The following NCALD variants were observed in gnomAD, a reference collection of about 807,000 sequenced individuals.
NCALD encodes the protein neurocalcin delta.
Under a neutral mutation model 18.6 loss-of-function variants are expected in NCALD, and 10 were observed. The observed-to-expected ratio is 0.54, with a 90% CI of 0.33 to 0.91. The LOEUF (loss-of-function observed/expected upper bound fraction) is 0.91. NCALD is among the 40% of genes least tolerant of loss of function. NCALD has a pLI of 0.03. For missense variants in NCALD, 184 were observed against 247.6 expected, an observed-to-expected ratio of 0.74 and a Z score of 1.72; for synonymous variants, 88 against 87.4, an observed-to-expected ratio of 1.01 and a Z score of -0.04.
At chr8:101,767,525 G>A (rs960669628) in intron 1 of NCALD, among the ~76,000 whole-genome samples, 10 of 152,178 alleles carry the variant, frequency 6.6e-5, no homozygotes, top group Non-Finnish European at 1.2e-4. Context: ...TGATTATACA[G>A]CTGCATATGT....
intron 2 of NCALD, among the ~76,000 whole-genome samples, chr8:101,994,999 G>A (rs1035464162): frequency 6.6e-6 from 1 of 152,194 alleles, no homozygotes; most frequent in Non-Finnish European, 1.5e-5. Flanking sequence ...GCCTAATTGT[G>A]TAGAGCCTTG....
At chr8:101,933,255 T>C (rs189315650) in intron 2 of NCALD, among the ~76,000 whole-genome samples, 7 of 152,310 alleles carry the variant, frequency 4.6e-5, no homozygotes, top group Admixed American at 2.0e-4. Context: ...GATCTTGAGA[T>C]GGAGAGATTA....
intron 4 of NCALD, among the ~76,000 whole-genome samples, chr8:101,843,582 G>GTTTTTTTTTTTTTTTTTTTTTTT (rs369393213): frequency 8.0e-6 from 1 of 125,140 alleles, no homozygotes; most frequent in Non-Finnish European, 1.6e-5. Flanking sequence ...TTTAAAAATT[G>GTTTTTTTTTTTTTTTTTTTTTTT]TTTTTTTTTT....
chr8:102,074,674 G>A (rs1228173559), intron 1 of NCALD, among the ~76,000 whole-genome samples: 1 of 152,108 alleles, frequency 6.6e-6, no homozygotes, highest in African/African-American at 2.4e-5. Flanking sequence ...GGTTCCACAG[G>A]AAATCCTCCA....
At chr8:102,036,892 T>G (rs577802880) in intron 1 of NCALD, among the ~76,000 whole-genome samples, 20 of 152,314 alleles carry the variant, frequency 1.3e-4, no homozygotes, top group African/African-American at 4.8e-4. Flanking sequence ...TTTATAAGAT[T>G]AATTTGCCAA....
intron 4 of NCALD, among the ~76,000 whole-genome samples, chr8:101,797,437 C>G (rs533044839): frequency 1.3e-5 from 2 of 152,160 alleles, no homozygotes; most frequent in African/African-American, 4.8e-5. Flanking sequence ...CTGTCAAATC[C>G]AGAAGATAAT....
chr8:101,811,544 T>C (rs1202528368), intron 4 of NCALD, among the ~76,000 whole-genome samples: 1 of 152,164 alleles, frequency 6.6e-6, no homozygotes, highest in Non-Finnish European at 1.5e-5. Context: ...ATAACAGCAA[T>C]AGGAAATTAA....
chr8:102,028,467 C>A (rs1054713209), intron 1 of NCALD, among the ~76,000 whole-genome samples: 1 of 152,198 alleles, frequency 6.6e-6, no homozygotes, highest in African/African-American at 2.4e-5. Flanking sequence ...AATGCACTAG[C>A]CACTGAGGGG....
chr8:101,976,717 T>C (rs1273721806), intron 2 of NCALD, among the ~76,000 whole-genome samples: 1 of 152,116 alleles, frequency 6.6e-6, no homozygotes, highest in Non-Finnish European at 1.5e-5. Context: ...TAAACTAAGC[T>C]CCTACTATGT....
rs1166946312 is a variant in NCALD, at chr8:101,909,065, T to C, written c.-107+6744A>G. ...TTTAACTCTATAAGGAAAGTGATCT[T>C]TTTCAAGGTGGTCTTTGAAATGACT... On this transcript the variant is annotated intron_variant, in intron 3 of 6. Coordinates refer to the NCALD transcript ENST00000311028. 2.6e-5 allele frequency among the ~76,000 whole-genome samples: 4 copies of C among 152,278 alleles called. No individual in the cohort carries two copies. In the East Asian group the frequency reaches 7.7e-4, roughly 29 times the overall value.
intron 3 of NCALD, among the ~76,000 whole-genome samples, chr8:101,902,492 GC>G (rs1453735255): frequency 1.3e-5 from 2 of 152,144 alleles, no homozygotes; most frequent in African/African-American, 4.8e-5. Context: ...CCTTTCAACA[GC>G]CCTCTGTTAG....
intron 1 of NCALD, among the ~76,000 whole-genome samples, chr8:102,119,177 C>T (rs1303524010): frequency 6.6e-6 from 1 of 152,168 alleles, no homozygotes; most frequent in African/African-American, 2.4e-5. Context: ...ACCCAAACGT[C>T]CATCAGCAGA....
chr8:102,013,489 C>T (rs1046295430), intron 2 of NCALD, among the ~76,000 whole-genome samples: 1 of 152,168 alleles, frequency 6.6e-6, no homozygotes, highest in African/African-American at 2.4e-5. Flanking sequence ...ACACATTTCT[C>T]ATCCTCCTTT....
intron 1 of NCALD, among the ~76,000 whole-genome samples, chr8:102,027,021 G>A (rs1270030750): frequency 6.6e-6 from 1 of 152,196 alleles, no homozygotes; most frequent in East Asian, 1.9e-4. Context: ...CTGAGATACA[G>A]GGCACTATGT....
At chr8:101,775,099 A>T (rs764586874) in intron 1 of NCALD, among the ~76,000 whole-genome samples, 4 of 152,176 alleles carry the variant, frequency 2.6e-5, no homozygotes, top group Non-Finnish European at 5.9e-5. Flanking sequence ...TCCTACTGGC[A>T]TCGGATCTCT....
intron 1 of NCALD, among the ~76,000 whole-genome samples, chr8:102,059,028 C>A (rs955665595): frequency 2.0e-5 from 3 of 152,204 alleles, no homozygotes; most frequent in Non-Finnish European, 4.4e-5. Flanking sequence ...ATGCACTCTG[C>A]CAACATCTTG....
At chr8:101,862,893 C>A (rs1454489327) in intron 4 of NCALD, among the ~76,000 whole-genome samples, 1 of 152,186 alleles carries the variant, frequency 6.6e-6, no homozygotes, top group African/African-American at 2.4e-5. Context: ...TACTGTCTTC[C>A]AAGTACTCTG....
intron 1 of NCALD, among the ~76,000 whole-genome samples, chr8:102,054,311 A>AT (rs1823555971): frequency 6.6e-6 from 1 of 152,150 alleles, no homozygotes; most frequent in Admixed American, 6.5e-5. Context: ...TGTAAAGGTT[A>AT]TTTTTTTGGA....
intron 1 of NCALD, among the ~76,000 whole-genome samples, chr8:102,053,925 G>A (rs1823539580): frequency 1.3e-5 from 2 of 152,156 alleles, no homozygotes; most frequent in Non-Finnish European, 2.9e-5. Context: ...TTCTTACACA[G>A]TTTGAAATGC....
Sources: gnomAD v4.1 joint callset for allele counts (sites outside exome capture counted in the v4.1 genomes callset) on GRCh38, gnomAD v4.1.1 for gene constraint, MANE v1.5 for transcripts, NCBI Gene and HGNC (gene_info 2026-07-23, HGNC 2026-07-21) for gene names.